The following GINS2 variants were observed in gnomAD, a reference collection of about 807,000 sequenced individuals.
GINS2 encodes the protein DNA replication complex GINS protein PSF2.
In GINS2, 23 loss-of-function variants were observed where a neutral mutation model predicts 21.2. The observed-to-expected ratio is 1.08, with a 90% CI of 0.78 to 1.53. The LOEUF is 1.53. Ranked by LOEUF, GINS2 falls within the 40% of genes most tolerant of loss-of-function variation. The pLI is 0.00. For synonymous variants in GINS2, 118 were observed against 85.6 expected, an observed-to-expected ratio of 1.38 and a Z score of -2.09; for missense variants, 323 against 233.9, an observed-to-expected ratio of 1.38 and a Z score of -2.49.
At position 85,678,321 on chromosome 16, in the gene GINS2, A is replaced by G. The variant is rs140465381; in HGVS notation, c.449T>C (p.Leu150Ser). The G allele has an allele frequency of 1.2e-4, 197 of 1,613,338 alleles. No individual in the cohort carries two copies. In the African/African-American group the frequency reaches 2.4e-3, roughly 19 times the overall value. ...AGTCCCGCTGGTGTTGATCTCCATC[A>G]AGGTCAAGTTATCCAGCTAAAGCAA... ...EAHAKLDNLT[L>S]MEINTSGTFL... The change falls in exon 5 of 5, where the codon TTG becomes TCG. Residue 150 changes from leucine (L) to serine (S), a missense_variant. Leu to Ser is a moderately radical substitution (Grantham distance 145). Coordinates refer to ENST00000253462, the MANE Select transcript of GINS2 (RefSeq NM_016095.3).
chr16:85,680,699 G>A (rs1388640365), intron 3 of GINS2, among the ~76,000 whole-genome samples: 1 of 152,202 alleles, frequency 6.6e-6, no homozygotes, highest in African/African-American at 2.4e-5. Context: ...GCTGAACCCA[G>A]AAGAGACATG....
chr16:85,679,023 G>C (rs2053710370), intron 3 of GINS2, among the ~76,000 whole-genome samples: 1 of 152,158 alleles, frequency 6.6e-6, no homozygotes, highest in South Asian at 2.1e-4. Context: ...TCGAGGGCTG[G>C]CTCAAAGGTC....
chr16:85,685,685 A>AAAAAAAAAACAAAAAAAAAAAAC (rs56405044), intron 2 of GINS2, among the ~76,000 whole-genome samples: 1 of 121,006 alleles, frequency 8.3e-6, no homozygotes, highest in Non-Finnish European at 1.9e-5. Context: ...AAAAAAAAAA[A>AAAAAAAAAACAAAAAAAAAAAAC]AAAAAACCGT....
chr16:85,683,701 C>G lies in GINS2; in HGVS notation c.206-2020G>C, dbSNP rs181330486. ...CCACCTCCATCAGCCAGAGGCCACT[C>G]TCAGTGCTTGCCTGGATTCATTCCC... On this transcript the variant is annotated intron_variant, in intron 2 of 4. Coordinates refer to ENST00000253462, the MANE Select transcript of GINS2 (RefSeq NM_016095.3). Among the ~76,000 whole-genome samples the G allele has an allele frequency of 2.6e-5, 4 of 152,402 alleles. No individual in the cohort carries two copies. The East Asian group carries it at 5.8e-4, about 22-fold the overall frequency.
Position 85,678,204 on chromosome 16 carries a change from G to A in GINS2, c.*8C>T. Reference sequence around the variant, plus strand: ...TCCCCCAGCAAGCCGCCTGCACCAGGCCTTTCTCTAGAAGTCCTGAGACTG... The same window carrying A: ...TCCCCCAGCAAGCCGCCTGCACCAGACCTTTCTCTAGAAGTCCTGAGACTG... On this transcript the variant is annotated 3_prime_UTR_variant, in exon 5 of 5. Coordinates refer to ENST00000253462, the MANE Select transcript of GINS2 (RefSeq NM_016095.3). 1 of 1,612,474 alleles carries A rather than the reference G, an allele frequency of 6.2e-7. No individual in the cohort carries two copies.
chr16:85,677,098 C>A lies in GINS2; in HGVS notation c.*1114G>T, dbSNP rs562958983. On this transcript the variant is annotated 3_prime_UTR_variant, in exon 5 of 5. Transcript: ENST00000253462. ...ATGTTAGCCAGGATAGTCTCAATCT[C>A]CTGGCCTTGTGATCCACCTGCCTTG... is the stretch of plus-strand genomic sequence containing the variant. 4.6e-5 allele frequency: 7 copies of A among 152,004 alleles called. No homozygotes were observed. In the East Asian group the frequency reaches 1.4e-3, roughly 30 times the overall value. 9.4% of individuals were successfully genotyped at this position (152,004 alleles called of 1,614,324 possible).
chr16:85,687,357 G>A (rs908105914), intron 2 of GINS2, 103 bp downstream of exon 2: 12 of 607,988 alleles, frequency 2.0e-5, no homozygotes, highest in Non-Finnish European at 3.2e-5. Flanking sequence ...AGGGAGCACG[G>A]ACCTAGTCAG....
At chr16:85,679,465 A>G (rs2053714093) in intron 3 of GINS2, among the ~76,000 whole-genome samples, 1 of 152,344 alleles carries the variant, frequency 6.6e-6, no homozygotes, top group South Asian at 2.1e-4. Flanking sequence ...CATTCTCTCC[A>G]TATGCTACAA....
At chr16:85,681,996 C>G (rs1394016718) in intron 2 of GINS2, among the ~76,000 whole-genome samples, 5 of 142,448 alleles carry the variant, frequency 3.5e-5, no homozygotes, top group East Asian at 2.1e-4. Context: ...TTTAGGGAAA[C>G]AGCAAAGTGA....
In GINS2 at chr16:85,678,651, G is replaced by A. The variant is rs561812892; in HGVS notation, c.321C>T (p.Ile107=). 1.7e-4 allele frequency: 268 copies of A among 1,613,628 alleles called. No homozygotes were observed. The highest frequency in any genetic ancestry group is 6.7e-4 in the Admixed American group (40 of 60,000). ...KLLLNHASDN[I]PKADEIRTLV... is the part of the protein sequence containing the mutation. ...GGGTCCGGATTTCGTCTGCCTTCGG[G>A]ATGTTGTCTGAAGCACTAAAGGAGC... The change falls in exon 4 of 5, where the codon ATC becomes ATT. Residue 107 remains isoleucine (I), a synonymous_variant. Transcript: ENST00000253462.
intron 3 of GINS2, among the ~76,000 whole-genome samples, chr16:85,680,394 T>G (rs2053721520): frequency 6.6e-6 from 1 of 152,234 alleles, no homozygotes; most frequent in African/African-American, 2.4e-5. Context: ...TTTATTCTAG[T>G]TCTGCTCTTG....
intron 1 of GINS2, among the ~76,000 whole-genome samples, chr16:85,688,361 C>G (rs752811144): frequency 1.3e-5 from 2 of 152,138 alleles, no homozygotes; most frequent in Non-Finnish European, 2.9e-5. Context: ...GCCTGGCCAA[C>G]ACGGTGAAAC....
intron 2 of GINS2, among the ~76,000 whole-genome samples, chr16:85,683,360 A>G (rs1567792059): frequency 6.6e-6 from 1 of 152,036 alleles, no homozygotes. Context: ...CCACATGCTC[A>G]GAAAGACCTC....
chr16:85,686,159 C>T (rs373097569), intron 2 of GINS2, among the ~76,000 whole-genome samples: 1 of 152,104 alleles, frequency 6.6e-6, no homozygotes, highest in South Asian at 2.1e-4. Flanking sequence ...TACAATTCAG[C>T]CATTTAAAGT....
intron 3 of GINS2, 142 bp downstream of exon 3, chr16:85,681,440 C>T (rs1048529475): frequency 6.5e-6 from 4 of 615,398 alleles, no homozygotes; most frequent in Non-Finnish European, 1.2e-5. Flanking sequence ...ACCTCATGGT[C>T]ACTGACCTGA....
Position 85,677,301 on chromosome 16 carries a change from G to A in GINS2, c.*911C>T, listed in dbSNP as rs561329826. The A allele has an allele frequency of 3.9e-5, 6 of 152,220 alleles. No individual in the cohort carries two copies. Among genetic ancestry groups the A allele is most frequent in the Admixed American group, 2.0e-4 (3 of 15,300 alleles). 9.4% of individuals were successfully genotyped at this position (152,220 alleles called of 1,614,324 possible). On this transcript the variant is annotated 3_prime_UTR_variant, in exon 5 of 5. Transcript: ENST00000253462. ...GGTCCTAACATTTCCAAAATGCTACGAATAAAGTAATTTTCTCTTAGGAAA... is the reference window on the plus strand; with the variant it reads ...GGTCCTAACATTTCCAAAATGCTACAAATAAAGTAATTTTCTCTTAGGAAA...
At chr16:85,686,091 A>G (rs2053774993) in intron 2 of GINS2, among the ~76,000 whole-genome samples, 1 of 152,154 alleles carries the variant, frequency 6.6e-6, no homozygotes, top group South Asian at 2.1e-4. Context: ...GCCTGTCTGC[A>G]TCTTTGATTT....
Position 85,677,543 on chromosome 16 carries a change from AC to A in GINS2, c.*668del, listed in dbSNP as rs2053689020. 1 of 152,202 alleles carries A rather than the reference AC, an allele frequency of 6.6e-6. No homozygotes were observed. The highest frequency in any genetic ancestry group is 3.2e-3 in the Middle Eastern group (1 of 316). 9.4% of individuals were successfully genotyped at this position (152,202 alleles called of 1,614,324 possible). ...CTAGAAGTAGCCAAGAGAAGGAGAC[AC>A]CCCAGGTGTTGGTCTGCAGTTTCCA... On this transcript the variant is annotated 3_prime_UTR_variant, in exon 5 of 5. Coordinates refer to ENST00000253462, the MANE Select transcript of GINS2 (RefSeq NM_016095.3).
chr16:85,688,497 G>C (rs934790762), intron 1 of GINS2, among the ~76,000 whole-genome samples: 1 of 152,210 alleles, frequency 6.6e-6, no homozygotes, highest in African/African-American at 2.4e-5. Flanking sequence ...AGTGAGCCGA[G>C]ACGGCACCAC....
Sources: allele counts gnomAD v4.1 joint callset (sites outside exome capture counted in the v4.1 genomes callset), GRCh38; gene constraint gnomAD v4.1.1; transcripts MANE v1.5; gene names NCBI Gene and HGNC (gene_info 2026-07-23, HGNC 2026-07-21).